TRIM37: variants seen among roughly 807,000 people sequenced by gnomAD.
TRIM37 encodes the protein E3 ubiquitin-protein ligase TRIM37.
In TRIM37, 80 loss-of-function variants were observed where a neutral mutation model predicts 129.8. The ratio of observed to expected loss-of-function variants is 0.62; its 90% CI spans 0.51 to 0.74. The LOEUF is 0.74. Ranked by LOEUF, TRIM37 falls within the 30% of genes least tolerant of loss-of-function variation. The pLI is 0.00. For synonymous variants in TRIM37, 389 were observed against 387.1 expected (o/e 1.00, Z -0.06); for missense variants, 1,054 against 1,176.5 (o/e 0.90, Z 1.52).
chr17:58,999,108 G>T lies in TRIM37; in HGVS notation c.*269C>A. ...CTGTAGTAGACAAACTGCCTTTTGT[G>T]AATGTACAAATTTGCTAAATTAATA... is the stretch of plus-strand genomic sequence containing the variant. On this transcript the variant is annotated 3_prime_UTR_variant, in exon 24 of 24. Coordinates refer to ENST00000262294, the MANE Select transcript of TRIM37 (RefSeq NM_015294.6). 7.9e-7 allele frequency: 1 copy of T among 1,267,906 alleles called. No individual in the cohort carries two copies. 78.5% of individuals were successfully genotyped at this position (1,267,906 alleles called of 1,614,324 possible).
intron 11 of TRIM37, among the ~76,000 whole-genome samples, chr17:59,061,966 G>C (rs1881153490): frequency 6.6e-6 from 1 of 151,704 alleles, no homozygotes; most frequent in Non-Finnish European, 1.5e-5. Flanking sequence ...CATCAGCTAG[G>C]TGAATAAAGC....
intron 22 of TRIM37, 71 bp downstream of exon 22, chr17:59,012,257 C>CCA (rs1285539882): frequency 9.3e-6 from 8 of 861,166 alleles, no homozygotes; most frequent in African/African-American, 8.5e-5. Context: ...ACCACCACCA[C>CCA]CCACCACCCA....
intron 16 of TRIM37, among the ~76,000 whole-genome samples, chr17:59,044,304 C>T (rs886513537): frequency 1.3e-5 from 2 of 151,982 alleles, no homozygotes; most frequent in Non-Finnish European, 2.9e-5. Context: ...GGCAAGACCC[C>T]GTCTCAAAAA....
intron 2 of TRIM37, among the ~76,000 whole-genome samples, chr17:59,097,517 T>C (rs1339563107): frequency 6.6e-6 from 1 of 151,754 alleles, no homozygotes; most frequent in African/African-American, 2.4e-5. Flanking sequence ...AAATAACACA[T>C]TTGCAACAGC....
intron 16 of TRIM37, among the ~76,000 whole-genome samples, chr17:59,046,819 C>T (rs1457225856): frequency 3.3e-5 from 5 of 149,348 alleles, no homozygotes; most frequent in Non-Finnish European, 5.9e-5. Flanking sequence ...GGATTACAGG[C>T]GTGAGCCACC....
chr17:59,011,962 T>C (rs1052919321), intron 22 of TRIM37, among the ~76,000 whole-genome samples: 6 of 152,230 alleles, frequency 3.9e-5, no homozygotes, highest in African/African-American at 9.6e-5. Context: ...ATGCCTGGTA[T>C]GTAGGTGCCT....
intron 22 of TRIM37, among the ~76,000 whole-genome samples, chr17:59,009,400 A>G (rs1400101406): frequency 1.4e-5 from 2 of 146,888 alleles, no homozygotes; most frequent in African/African-American, 5.1e-5. Context: ...AAGTGCTGGG[A>G]TTACAGGCAT....
At chr17:58,996,794 G>GTA (rs1278184861), downstream of TRIM37, among the ~76,000 whole-genome samples, 2 of 60,562 alleles carry the variant, frequency 3.3e-5, no homozygotes, top group Admixed American at 1.3e-4. Context: ...ATATATATAT[G>GTA]TGTGTGTGTG....
chr17:58,967,519 TAGAG>T, the TRIM37 span, among the ~76,000 whole-genome samples: 2,319 of 145,134 alleles, frequency 0.016, 33 homozygotes, highest in South Asian at 0.04. Context: ...TATATATATA[TAGAG>T]AGAGAGAGAG....
chr17:59,056,912 C>T lies in TRIM37; in HGVS notation c.1162G>A (p.Gly388Arg), dbSNP rs2040988400. Residue 388 changes from glycine to arginine, a missense_variant, in exon 13 of 24, where the codon GGA (glycine) becomes AGA (arginine). Coordinates refer to ENST00000262294, the MANE Select transcript of TRIM37 (RefSeq NM_015294.6). ...GTATCATTTTGTGGATTCAAGTATC[C>T]TTCATTTGCGAGTAAGTCCAAACGG... is the stretch of plus-strand genomic sequence containing the variant. ...FFRLDLLANE[G>R]YLNPQNDTVI... 1 of 1,613,540 alleles carries T rather than the reference C, an allele frequency of 6.2e-7. No individual in the cohort carries two copies. The highest frequency in any genetic ancestry group is 1.3e-5 in the African/African-American group (1 of 74,826).
downstream of TRIM37, among the ~76,000 whole-genome samples, chr17:58,994,749 T>C (rs373010478): frequency 6.6e-5 from 10 of 151,512 alleles, no homozygotes; most frequent in East Asian, 1.6e-3. Context: ...TTTCTTTCTT[T>C]CTTTTTTTTT....
chr17:59,038,498 A>G (rs535779985), intron 17 of TRIM37, among the ~76,000 whole-genome samples: 15 of 152,298 alleles, frequency 9.8e-5, no homozygotes, highest in Admixed American at 8.5e-4. Context: ...CAGAATTATA[A>G]CATAGGCTCC....
intron 22 of TRIM37, among the ~76,000 whole-genome samples, chr17:59,010,554 C>T (rs910444133): frequency 2.6e-5 from 4 of 152,242 alleles, no homozygotes; most frequent in African/African-American, 7.2e-5. Context: ...AGTGCAGTGG[C>T]GTGATCTCAG....
chr17:59,086,507 G>T (rs1437548247), intron 4 of TRIM37, among the ~76,000 whole-genome samples: 1 of 152,060 alleles, frequency 6.6e-6, no homozygotes, highest in Non-Finnish European at 1.5e-5. Context: ...CCAAAGTGCT[G>T]GGATTACAAG....
At chr17:59,070,780 A>T (rs1460838592) in intron 9 of TRIM37, 43 bp downstream of exon 9, 2 of 1,601,136 alleles carry the variant, frequency 1.2e-6, no homozygotes, top group Non-Finnish European at 1.7e-6. Flanking sequence ...ATGCATTTCC[A>T]CATAAATTTC....
At chr17:58,995,402 CT>C (rs953316969), downstream of TRIM37, among the ~76,000 whole-genome samples, 62 of 141,894 alleles carry the variant, frequency 4.4e-4, no homozygotes, top group Non-Finnish European at 7.8e-4. Flanking sequence ...CAAAGAAATG[CT>C]TAAAAAAAAA....
chr17:59,092,957 C>A (rs1293623453), intron 2 of TRIM37, among the ~76,000 whole-genome samples: 7 of 152,042 alleles, frequency 4.6e-5, no homozygotes, highest in Admixed American at 4.6e-4. Flanking sequence ...TCGAGACCAG[C>A]CTGGCCAACA....
chr17:59,065,216 T>C (rs1049625213), intron 9 of TRIM37, among the ~76,000 whole-genome samples: 1 of 152,208 alleles, frequency 6.6e-6, no homozygotes, highest in Non-Finnish European at 1.5e-5. Flanking sequence ...TGAATCTGAA[T>C]TATGAAACAG....
chr17:59,041,122 C>A (rs1458779530), intron 17 of TRIM37, among the ~76,000 whole-genome samples: 2 of 151,832 alleles, frequency 1.3e-5, no homozygotes, highest in Non-Finnish European at 2.9e-5. Flanking sequence ...CAGTAGAAAG[C>A]TAACTTTTAA....
Sources: gnomAD v4.1 joint callset for allele counts (sites outside exome capture counted in the v4.1 genomes callset) on GRCh38, gnomAD v4.1.1 for gene constraint, MANE v1.5 for transcripts, NCBI Gene and HGNC (gene_info 2026-07-23, HGNC 2026-07-21) for gene names.